ZNF581: variants seen among roughly 807,000 people sequenced by gnomAD.
ZNF581 encodes zinc finger protein 581.
Under a neutral mutation model 1.2 loss-of-function variants are expected in ZNF581, and 1 was observed. That is an observed-to-expected ratio of 0.83 (90% CI 0.30 to 3.95). The LOEUF is 3.95. Among genes scored for constraint, ZNF581 ranks in the 30% most tolerant of loss-of-function variants. The probability of loss-of-function intolerance (pLI) is 0.18; values close to 1 mark genes in which losing one functional copy is unlikely to be tolerated. For missense variants in ZNF581, 273 were observed against 274.6 expected, an observed-to-expected ratio of 0.99 and a Z score of 0.04; for synonymous variants, 105 against 109.2, an observed-to-expected ratio of 0.96 and a Z score of 0.24.
rs1174243809 is a variant in ZNF581 at position 55,645,204 on chromosome 19, C to T, written c.*39C>T. 3 of 1,494,398 alleles carry T rather than the reference C, an allele frequency of 2.0e-6. No individual in the cohort carries two copies. The allele number at this position is 1,494,398 out of a possible 1,614,324, so 92.6% of individuals were successfully genotyped here. ...GTGCCCCAGGTACCACAGGACTTTG[C>T]AGGGAGCCTGGACTCCTGTCCAGAC... On this transcript the variant is annotated 3_prime_UTR_variant, in exon 2 of 2. Coordinates refer to ENST00000270451, the MANE Select transcript of ZNF581 (RefSeq NM_016535.4).
chr19:55,643,173 A>G, upstream of ZNF581: 1 of 1,236,108 alleles, frequency 8.1e-7, no homozygotes, highest in Non-Finnish European at 1.0e-6. Flanking sequence ...TTCCAAAGGG[A>G]GGAGCATCAT....
chr19:55,642,745 C>A, upstream of ZNF581: 2 of 1,522,938 alleles, frequency 1.3e-6, no homozygotes, highest in South Asian at 1.2e-5. Flanking sequence ...CGCCCCAGCG[C>A]GAGGCGCCCC....
upstream of ZNF581, among the ~76,000 whole-genome samples, chr19:55,639,839 ACTC>A (rs1394086987): frequency 1.3e-5 from 2 of 151,926 alleles, no homozygotes; most frequent in African/African-American, 4.8e-5. Context: ...CTGGTCTCGA[ACTC>A]CTGACCTCAG....
At chr19:55,643,417 C>T (rs1052982023), upstream of ZNF581, 12 of 223,418 alleles carry the variant, frequency 5.4e-5, no homozygotes, top group Non-Finnish European at 1.1e-4. Context: ...TCTGTATCTA[C>T]CCCCCTTCCG....
chr19:55,637,562 C>G (rs948046818), upstream of ZNF581, among the ~76,000 whole-genome samples: 2 of 151,614 alleles, frequency 1.3e-5, no homozygotes, highest in African/African-American at 4.9e-5. Flanking sequence ...ACAAAAAAAA[C>G]GAGAGGGGAG....
upstream of ZNF581, chr19:55,642,670 C>A (rs751747458): frequency 7.0e-7 from 1 of 1,434,644 alleles, no homozygotes; most frequent in Admixed American, 2.9e-5. Flanking sequence ...GCCGCCACCT[C>A]CTCATCGACG....
chr19:55,641,672 A>G (rs1472566878), upstream of ZNF581: 1 of 147,800 alleles, frequency 6.8e-6, no homozygotes, highest in African/African-American at 2.5e-5. Context: ...AGAAGTAACG[A>G]TGTCACCGCC....
In ZNF581 at chr19:55,635,854, C is replaced by T. The variant is rs531846155; in HGVS notation, c.-20+142C>T. The T allele has an allele frequency of 8.1e-5, 28 of 347,010 alleles. No homozygotes were observed. The South Asian group carries it at 3.0e-3, about 37-fold the overall frequency. 21.5% of individuals were successfully genotyped at this position (347,010 alleles called of 1,614,324 possible). ...GGTGAGCAGGGCATATAGGTGACAC[C>T]TAGCCAACTTGAGAGGTCAGAATAC... On this transcript the variant is annotated intron_variant, in intron 1 of 1. Coordinates refer to the ZNF581 transcript ENST00000587252.
chr19:55,643,893 G>A (rs1178796933), intron 1 of ZNF581, 119 bp downstream of exon 1: 1 of 152,580 alleles, frequency 6.6e-6, no homozygotes, highest in Non-Finnish European at 1.5e-5. Context: ...CTGTTCTGGA[G>A]CTTGGAGGGG....
upstream of ZNF581, chr19:55,641,983 T>G (rs1982520036): frequency 1.2e-6 from 1 of 822,968 alleles, no homozygotes; most frequent in African/African-American, 4.7e-5. Context: ...CGGCATGTAG[T>G]GGGGACGGAG....
At chr19:55,638,187 T>C (rs1600036788), upstream of ZNF581, among the ~76,000 whole-genome samples, 1 of 152,140 alleles carries the variant, frequency 6.6e-6, no homozygotes, top group East Asian at 1.9e-4. Flanking sequence ...GTAGTTGGCA[T>C]ATCTCATGGT....
chr19:55,643,978 C>G (rs1427733133), intron 1 of ZNF581: 1 of 152,704 alleles, frequency 6.5e-6, no homozygotes, highest in African/African-American at 2.4e-5. Context: ...AGCGCTGGGA[C>G]CTAGAACGAG....
At chr19:55,640,725 G>A (rs770595952), upstream of ZNF581, 29 of 985,360 alleles carry the variant, frequency 2.9e-5, no homozygotes, top group Non-Finnish European at 3.4e-5. Context: ...GGCCGAGCAG[G>A]CAGCGACGGC....
At chr19:55,642,352 GAGTCACAGTTTTTA>G (rs889004572), upstream of ZNF581, 61 of 1,273,098 alleles carry the variant, frequency 4.8e-5, no homozygotes, top group Non-Finnish European at 5.7e-5. Flanking sequence ...AGCCGGGCTG[GAGTCACAGTTTTTA>G]TTTTGCTAGG....
At position 55,644,445 on chromosome 19, in the gene ZNF581, C is replaced by G; in HGVS notation, c.-19-108C>G. On this transcript the variant is annotated intron_variant, in intron 1 of 1. Transcript: ENST00000270451. The surrounding 1 kb of genome is among the most constrained non-coding windows in gnomAD (Gnocchi z 4.3). ...CTGGAAAAGAGGGACTGAGGGGCAG[C>G]AGGATGCAGAGGTCCTGGGCCGGGT... 1 of 684,788 alleles carries G rather than the reference C, an allele frequency of 1.5e-6. No individual in the cohort carries two copies. The highest frequency in any genetic ancestry group is 2.4e-6 in the Non-Finnish European group (1 of 413,584). 42.4% of individuals were successfully genotyped at this position (684,788 alleles called of 1,614,324 possible).
upstream of ZNF581, chr19:55,640,016 T>C (rs923862375): frequency 5.6e-6 from 3 of 538,092 alleles, no homozygotes; most frequent in Non-Finnish European, 7.1e-6. Flanking sequence ...CATAGAACTT[T>C]CCACCATTGC....
At chr19:55,641,226 A>C, upstream of ZNF581, 2 of 968,452 alleles carry the variant, frequency 2.1e-6, no homozygotes, top group Non-Finnish European at 2.5e-6. Context: ...CCCTGGGACG[A>C]CGCCGGGGCC....
At chr19:55,636,286 G>A (rs1011285357), upstream of ZNF581, among the ~76,000 whole-genome samples, 2 of 152,216 alleles carry the variant, frequency 1.3e-5, no homozygotes, top group Middle Eastern at 3.4e-3. Context: ...CTTGGAGAAC[G>A]GAGGTCAGTG....
upstream of ZNF581, among the ~76,000 whole-genome samples, chr19:55,637,553 C>CA (rs1036506358): frequency 1.4e-4 from 21 of 150,918 alleles, no homozygotes; most frequent in African/African-American, 3.4e-4. Flanking sequence ...GACACAGCAA[C>CA]AAAAAAAACG....
Sources: gnomAD v4.1 joint callset for allele counts (sites outside exome capture counted in the v4.1 genomes callset) on GRCh38, gnomAD v4.1.1 for gene constraint, Gnocchi (gnomAD v3.1) non-coding constraint, MANE v1.5 for transcripts, NCBI Gene and HGNC (gene_info 2026-07-23, HGNC 2026-07-21) for gene names.